The following KMO variants were observed in gnomAD, a reference collection of about 807,000 sequenced individuals.
KMO encodes kynurenine 3-monooxygenase, also known as kynurenine 3-hydroxylase.
Under a neutral mutation model 57.8 loss-of-function variants are expected in KMO, and 24 were observed. That is an observed-to-expected ratio of 0.42 (90% CI 0.30 to 0.58). The LOEUF (loss-of-function observed/expected upper bound fraction) is 0.58, where lower values mean the gene tolerates loss of function less well. KMO is among the 20% of genes least tolerant of loss of function. KMO has a pLI of 0.22. For missense variants in KMO, 483 were observed against 588.2 expected (o/e 0.82, Z 1.85); for synonymous variants, 210 against 193.6 (o/e 1.08, Z -0.70).
intron 4 of KMO, among the ~76,000 whole-genome samples, chr1:241,554,677 G>A (rs1050658504): frequency 6.6e-6 from 1 of 150,998 alleles, no homozygotes; most frequent in Admixed American, 6.6e-5. Flanking sequence ...TTTAAGTCAG[G>A]AGGAAAAAAG....
chr1:241,571,204 A>G (rs1426391987), intron 10 of KMO, among the ~76,000 whole-genome samples: 1 of 151,482 alleles, frequency 6.6e-6, no homozygotes, highest in Non-Finnish European at 1.5e-5. Context: ...TTTGTAAAAC[A>G]TAAGGTCATA....
Position 241,594,564 on chromosome 1 carries a change from TC to T in KMO, c.*2415del. On this transcript the variant is annotated 3_prime_UTR_variant, in exon 15 of 15. Coordinates refer to ENST00000366559, the MANE Select transcript of KMO (RefSeq NM_003679.5). Reference sequence around the variant, plus strand: ...GAAAGTCACTTTTTTCTTTGGCCTGTCCCCATCTTTCTGTGACATCACAATG... The same window carrying T: ...GAAAGTCACTTTTTTCTTTGGCCTGTCCCATCTTTCTGTGACATCACAATG... 1 of 1,614,158 alleles carries T rather than the reference TC, an allele frequency of 6.2e-7. No individual in the cohort carries two copies. Among genetic ancestry groups the T allele is most frequent in the Non-Finnish European group, 8.5e-7 (1 of 1,180,008 alleles).
intron 9 of KMO, among the ~76,000 whole-genome samples, chr1:241,567,317 G>A (rs537802673): frequency 6.6e-6 from 1 of 152,208 alleles, no homozygotes; most frequent in South Asian, 2.1e-4. Flanking sequence ...AGCAGATTCG[G>A]TGTCTGGTGA....
At chr1:241,565,742 G>A (rs914545862) in intron 8 of KMO, among the ~76,000 whole-genome samples, 1 of 151,976 alleles carries the variant, frequency 6.6e-6, no homozygotes, top group Non-Finnish European at 1.5e-5. Context: ...AGAGAGCATG[G>A]CTTTTCTTTC....
Position 241,592,155 on chromosome 1 carries a change from A to G in KMO, c.*2A>G. 6.2e-7 allele frequency: 1 copy of G among 1,612,184 alleles called. No homozygotes were observed. Among genetic ancestry groups the G allele is most frequent in the South Asian group, 1.1e-5 (1 of 90,868 alleles). Reference sequence around the variant, plus strand: ...ATTTCCAATCTCATTAGCAGGTGATAGAAAGGTTTTGTGGTAGCAAATGCA... The same window carrying G: ...ATTTCCAATCTCATTAGCAGGTGATGGAAAGGTTTTGTGGTAGCAAATGCA... On this transcript the variant is annotated 3_prime_UTR_variant, in exon 15 of 15. Transcript: ENST00000366559.
At position 241,593,635 on chromosome 1, in the gene KMO, C is replaced by T. The variant is rs1051718094; in HGVS notation, c.*1482C>T. 1.8e-5 allele frequency: 4 copies of T among 218,862 alleles called. No homozygotes were observed. The highest frequency in any genetic ancestry group is 2.2e-5 in the African/African-American group (1 of 45,062). 13.6% of individuals were successfully genotyped at this position (218,862 alleles called of 1,614,324 possible). ...AGAAAAACAAACATAAATTTATTAGCGGGTATATGTAATATATATGTGGGA... is the reference window on the plus strand; with the variant it reads ...AGAAAAACAAACATAAATTTATTAGTGGGTATATGTAATATATATGTGGGA... On this transcript the variant is annotated 3_prime_UTR_variant, in exon 15 of 15. Coordinates refer to ENST00000366559, the MANE Select transcript of KMO (RefSeq NM_003679.5).
intron 3 of KMO, 97 bp downstream of exon 3, chr1:241,549,871 C>T (rs1033762099): frequency 5.2e-6 from 4 of 766,518 alleles, no homozygotes; most frequent in Non-Finnish European, 8.5e-6. Context: ...CCATTTAATA[C>T]CAAGAATCTC....
intron 11 of KMO, among the ~76,000 whole-genome samples, chr1:241,587,140 G>C (rs983692918): frequency 6.6e-6 from 1 of 152,086 alleles, no homozygotes; most frequent in Non-Finnish European, 1.5e-5. Flanking sequence ...ACAGGGGGTG[G>C]GGGGAGATGG....
intron 11 of KMO, among the ~76,000 whole-genome samples, chr1:241,587,754 TTTTTTTTTTCA>T (rs911319368): frequency 1.3e-5 from 2 of 151,250 alleles, no homozygotes; most frequent in African/African-American, 4.9e-5. Context: ...TAAATTCCTT[TTTTTTTTTTCA>T]TTATTTTTCA....
chr1:241,584,870 AT>A (rs1662905496), intron 10 of KMO, among the ~76,000 whole-genome samples: 1 of 152,146 alleles, frequency 6.6e-6, no homozygotes, highest in African/African-American at 2.4e-5. Context: ...TGGCTCCAGA[AT>A]TTACTGCAAA....
At chr1:241,589,152 A>G (rs1056611344) in intron 12 of KMO, among the ~76,000 whole-genome samples, 4 of 152,208 alleles carry the variant, frequency 2.6e-5, no homozygotes, top group African/African-American at 9.6e-5. Context: ...CAGATGTGTC[A>G]ACATATTTAG....
intron 10 of KMO, among the ~76,000 whole-genome samples, chr1:241,577,327 T>C (rs1411545282): frequency 6.6e-6 from 1 of 152,152 alleles, no homozygotes; most frequent in Non-Finnish European, 1.5e-5. Flanking sequence ...ATTACCGGAA[T>C]TATTTTTCTG....
At position 241,534,529 on chromosome 1, in the gene KMO, T is replaced by C. The variant is rs751085315; in HGVS notation, c.54+2031T>C. Among the ~76,000 whole-genome samples the C allele has an allele frequency of 3.3e-5, 5 of 152,264 alleles. 1 individual carries two copies. The highest frequency in any genetic ancestry group is 7.3e-5 in the Non-Finnish European group (5 of 68,044). ...CTATCCATCCTATTGTTCAAGTCCA[T>C]GCTTACGCATCATGTTTGATTCCTA... is the stretch of plus-strand genomic sequence containing the variant. On this transcript the variant is annotated intron_variant, in intron 1 of 14. Coordinates refer to ENST00000366559, the MANE Select transcript of KMO (RefSeq NM_003679.5).
At chr1:241,570,923 T>C (rs540011255) in intron 10 of KMO, among the ~76,000 whole-genome samples, 1 of 152,164 alleles carries the variant, frequency 6.6e-6, no homozygotes, top group Non-Finnish European at 1.5e-5. Flanking sequence ...GAGCATGGAA[T>C]ATCTTTCCTT....
At chr1:241,568,757 G>T in intron 10 of KMO, 110 bp downstream of exon 10, 1 of 1,041,058 alleles carries the variant, frequency 9.6e-7, no homozygotes, top group South Asian at 1.6e-5. Flanking sequence ...ATCCCTGAAA[G>T]CACAATCAAT....
chr1:241,535,227 A>T (rs539978324), intron 1 of KMO, among the ~76,000 whole-genome samples: 5 of 152,068 alleles, frequency 3.3e-5, no homozygotes, highest in Non-Finnish European at 5.9e-5. Flanking sequence ...AGAGGACAAG[A>T]TTACATTTTT....
intron 10 of KMO, among the ~76,000 whole-genome samples, chr1:241,581,810 T>C (rs1662763398): frequency 6.6e-6 from 1 of 152,170 alleles, no homozygotes; most frequent in Non-Finnish European, 1.5e-5. Context: ...ATACTGCAGT[T>C]ACAGTGTTAA....
At chr1:241,556,479 C>T (rs1661628078) in intron 5 of KMO, among the ~76,000 whole-genome samples, 1 of 152,210 alleles carries the variant, frequency 6.6e-6, no homozygotes, top group South Asian at 2.1e-4. Context: ...TACTGAATCC[C>T]TATGGTCTCC....
chr1:241,555,081 C>T (rs1001926707), intron 4 of KMO, among the ~76,000 whole-genome samples: 2 of 152,086 alleles, frequency 1.3e-5, no homozygotes, highest in African/African-American at 4.8e-5. Flanking sequence ...CAGAAACAAC[C>T]AACACATGTT....
Sources: allele counts gnomAD v4.1 joint callset (sites outside exome capture counted in the v4.1 genomes callset), GRCh38; gene constraint gnomAD v4.1.1; transcripts MANE v1.5; gene names NCBI Gene and HGNC (gene_info 2026-07-23, HGNC 2026-07-21).